Variants in UNC5D observed in about 807,000 individuals in gnomAD.
The protein encoded by UNC5D is unc-5 netrin receptor D.
In UNC5D, 39 loss-of-function variants were observed where a neutral mutation model predicts 105.4. That is an observed-to-expected ratio of 0.37 (90% CI 0.29 to 0.48). The LOEUF is 0.48. Ranked by LOEUF, UNC5D falls within the 20% of genes least tolerant of loss-of-function variation. UNC5D has a pLI of 0.98. For missense variants in UNC5D, 991 were observed against 1,202.4 expected (o/e 0.82, Z 2.60); for synonymous variants, 452 against 450.4 (o/e 1.00, Z -0.04).
chr8:35,596,276 T>C (rs780250103), intron 4 of UNC5D, among the ~76,000 whole-genome samples: 3 of 152,308 alleles, frequency 2.0e-5, no homozygotes, highest in Admixed American at 6.5e-5. Context: ...AACTTCTACC[T>C]TACTATTCGA....
In UNC5D at chr8:35,260,712, C is replaced by T. The variant is rs114427872; in HGVS notation, c.103+24825C>T. Among the ~76,000 whole-genome samples the T allele has an allele frequency of 3.3e-3, 508 of 152,302 alleles. 4 individuals carry two copies. The highest frequency in any genetic ancestry group is 0.012 in the African/African-American group (481 of 41,566). On this transcript the variant is annotated intron_variant, in intron 1 of 16. Transcript: ENST00000404895. ...CTCCTGAGCTCAGGGAATCCACACA[C>T]GTCTGCCTCGCAAAGTGCTAGTTAT...
At chr8:35,714,727 G>A (rs548935368) in intron 8 of UNC5D, among the ~76,000 whole-genome samples, 3 of 152,320 alleles carry the variant, frequency 2.0e-5, no homozygotes, top group South Asian at 2.1e-4. Context: ...AGTTGCAAAC[G>A]ACCTTCAAGA....
chr8:35,545,983 C>T (rs1033396003), intron 1 of UNC5D, among the ~76,000 whole-genome samples: 1 of 152,100 alleles, frequency 6.6e-6, no homozygotes, highest in Non-Finnish European at 1.5e-5. Context: ...CAGCCTCTAC[C>T]CCCTGAGCTC....
intron 1 of UNC5D, among the ~76,000 whole-genome samples, chr8:35,245,834 A>T (rs72632791): frequency 6.6e-6 from 1 of 152,296 alleles, no homozygotes; most frequent in Non-Finnish European, 1.5e-5. Context: ...AGAATGTCAT[A>T]TATCATCATC....
At chr8:35,589,042 T>A (rs1351211657) in intron 3 of UNC5D, among the ~76,000 whole-genome samples, 7 of 148,424 alleles carry the variant, frequency 4.7e-5, no homozygotes, top group Middle Eastern at 3.4e-3. Context: ...AGACTTCATC[T>A]CAAAAAAAAA....
At chr8:35,405,519 T>G (rs1160982350) in intron 1 of UNC5D, among the ~76,000 whole-genome samples, 1 of 152,180 alleles carries the variant, frequency 6.6e-6, no homozygotes, top group Non-Finnish European at 1.5e-5. Context: ...TAATAATAAT[T>G]GGAAATGATT....
chr8:35,681,749 C>G (rs977560763), intron 4 of UNC5D, among the ~76,000 whole-genome samples: 1 of 152,152 alleles, frequency 6.6e-6, no homozygotes, highest in South Asian at 2.1e-4. Flanking sequence ...TCTCAGATCT[C>G]TTCCTTGTGC....
intron 4 of UNC5D, among the ~76,000 whole-genome samples, chr8:35,652,452 C>T (rs531362220): frequency 2.0e-5 from 3 of 152,162 alleles, no homozygotes; most frequent in African/African-American, 7.2e-5. Context: ...CCCAGCCTCC[C>T]GTGTTCCCAA....
In UNC5D at chr8:35,253,281, A is replaced by C. The variant is rs149734011; in HGVS notation, c.103+17394A>C. Reference sequence around the variant, plus strand: ...TACAATTTTTAATTTCAATGTAATCAGTGTTTTTAATTATCTTATGTTTAG... The same window carrying C: ...TACAATTTTTAATTTCAATGTAATCCGTGTTTTTAATTATCTTATGTTTAG... On this transcript the variant is annotated intron_variant, in intron 1 of 16. Transcript: ENST00000404895. 2.9e-3 allele frequency among the ~76,000 whole-genome samples: 434 copies of C among 152,160 alleles called. 5 individuals carry two copies. Among genetic ancestry groups the C allele is most frequent in the African/African-American group, 0.01 (426 of 41,534 alleles).
chr8:35,635,151 C>T (rs1481468096), intron 4 of UNC5D, among the ~76,000 whole-genome samples: 6 of 152,074 alleles, frequency 3.9e-5, no homozygotes, highest in South Asian at 2.1e-4. Context: ...CCTTCAGCAC[C>T]GTAATATACA....
intron 2 of UNC5D, among the ~76,000 whole-genome samples, chr8:35,554,910 C>T (rs963174646): frequency 2.0e-5 from 3 of 152,090 alleles, no homozygotes; most frequent in Non-Finnish European, 2.9e-5. Flanking sequence ...CAACTGGAGT[C>T]ACTCTCTGGG....
At chr8:35,287,200 G>T (rs1030529743) in intron 1 of UNC5D, among the ~76,000 whole-genome samples, 1 of 152,066 alleles carries the variant, frequency 6.6e-6, no homozygotes, top group Admixed American at 6.5e-5. Flanking sequence ...CAGGCATAAG[G>T]ACACAAAGAT....
chr8:35,384,032 G>C (rs1256119052), intron 1 of UNC5D, among the ~76,000 whole-genome samples: 1 of 152,062 alleles, frequency 6.6e-6, no homozygotes, highest in South Asian at 2.1e-4. Flanking sequence ...TGGCTAACAT[G>C]GTGAAACCCT....
chr8:35,473,835 G>A (rs2129871672), intron 1 of UNC5D, among the ~76,000 whole-genome samples: 1 of 152,286 alleles, frequency 6.6e-6, no homozygotes, highest in South Asian at 2.1e-4. Flanking sequence ...CTAATGTATT[G>A]ACAGAAATGT....
chr8:35,624,332 G>A (rs893654854), intron 4 of UNC5D, among the ~76,000 whole-genome samples: 6 of 152,050 alleles, frequency 3.9e-5, no homozygotes, highest in African/African-American at 1.4e-4. Flanking sequence ...ATATCTTTCC[G>A]CACAGTTAGT....
At chr8:35,783,878 A>T (rs2131786003) in intron 16 of UNC5D, among the ~76,000 whole-genome samples, 1 of 152,320 alleles carries the variant, frequency 6.6e-6, no homozygotes, top group African/African-American at 2.4e-5. Flanking sequence ...ACCTCCAAAA[A>T]AGAAAACAGA....
At chr8:35,632,390 C>T (rs565589774) in intron 4 of UNC5D, among the ~76,000 whole-genome samples, 2 of 152,296 alleles carry the variant, frequency 1.3e-5, no homozygotes, top group Admixed American at 6.5e-5. Flanking sequence ...AAATGGAAAT[C>T]TCTTATTTGT....
At chr8:35,405,503 T>C (rs758348826) in intron 1 of UNC5D, among the ~76,000 whole-genome samples, 17 of 152,182 alleles carry the variant, frequency 1.1e-4, no homozygotes, top group Non-Finnish European at 1.5e-4. Context: ...AATAGCAATA[T>C]AGATTTAATA....
intron 3 of UNC5D, among the ~76,000 whole-genome samples, chr8:35,572,283 A>G (rs1817785613): frequency 2.0e-5 from 3 of 149,780 alleles, no homozygotes; most frequent in African/African-American, 7.3e-5. Flanking sequence ...GTCAAAAAAA[A>G]AAAAAAAAAA....
Sources: allele counts gnomAD v4.1 joint callset (sites outside exome capture counted in the v4.1 genomes callset), GRCh38; gene constraint gnomAD v4.1.1; transcripts MANE v1.5; gene names NCBI Gene and HGNC (gene_info 2026-07-23, HGNC 2026-07-21).